The following ALK variants were observed in gnomAD, a reference collection of about 807,000 sequenced individuals.
The protein encoded by ALK is ALK receptor tyrosine kinase.
ALK carries 74 observed loss-of-function variants against 163.1 expected under a neutral mutation model. That is an observed-to-expected ratio of 0.45 (90% CI 0.38 to 0.55). The LOEUF is 0.55. Among genes scored for constraint, ALK ranks in the 20% least tolerant of loss-of-function variants. ALK has a pLI of 0.00. For synonymous variants in ALK, 960 were observed against 843.2 expected (o/e 1.14, Z -2.40); for missense variants, 2,063 against 2,105.3 (o/e 0.98, Z 0.39).
rs1664045661 is a variant in ALK at position 29,227,631 on chromosome 2, C to T, written c.2857G>A (p.Glu953Lys). 1 of 1,614,108 alleles carries T rather than the reference C, an allele frequency of 6.2e-7. No individual in the cohort carries two copies. Among genetic ancestry groups the T allele is most frequent in the Non-Finnish European group, 8.5e-7 (1 of 1,180,032 alleles). Residue 953 changes from glutamate to lysine, a missense_variant, in exon 17 of 29, where the codon GAA (glutamate) becomes AAA (lysine). Glu to Lys is a moderately conservative substitution (Grantham distance 56, BLOSUM62 1). Coordinates refer to ENST00000389048, the MANE Select transcript of ALK (RefSeq NM_004304.5). This position sits in a 1 kb window ranked among gnomAD's most constrained non-coding sequence, Gnocchi z 4.4. ...ASNNDPEMDG[E>K]DGVSFISPLG... ...GGACTGATGAAGGAAACCCCATCTTCCCCATCCATTTCGGGGTCATTGTTT... is the reference window on the plus strand; with the variant it reads ...GGACTGATGAAGGAAACCCCATCTTTCCCATCCATTTCGGGGTCATTGTTT...
Position 29,273,177 on chromosome 2 carries a change from C to T in ALK, c.2041+1922G>A, listed in dbSNP as rs554142598. On this transcript the variant is annotated intron_variant, in intron 11 of 28. Transcript: ENST00000389048. The stretch of plus-strand genomic sequence containing the variant: ...CCACTCTCCTCCCATGGCCCAGAAG[C>T]TCCAGAATGGCAAGAATTGGCTCAG... Among the ~76,000 whole-genome samples, 95 of 152,386 alleles carry T rather than the reference C, an allele frequency of 6.2e-4. 1 individual carries two copies. The highest frequency in any genetic ancestry group is 2.1e-3 in the African/African-American group (86 of 41,602).
intron 1 of ALK, among the ~76,000 whole-genome samples, chr2:29,748,016 G>A (rs754810172): frequency 6.6e-6 from 1 of 152,188 alleles, no homozygotes; most frequent in Non-Finnish European, 1.5e-5. Context: ...TCTGAGCTAG[G>A]TATCATCTAA....
intron 1 of ALK, among the ~76,000 whole-genome samples, chr2:29,733,252 A>C (rs2148319062): frequency 6.6e-6 from 1 of 152,364 alleles, no homozygotes; most frequent in South Asian, 2.1e-4. Context: ...ATCACCCAGA[A>C]GAATGAAATG....
In ALK at chr2:29,670,809, A is replaced by G. The variant is rs182798588; in HGVS notation, c.952+24041T>C. Among the ~76,000 whole-genome samples, 684 of 152,124 alleles carry G rather than the reference A, an allele frequency of 4.5e-3. 9 individuals carry two copies. Among genetic ancestry groups the G allele is most frequent in the African/African-American group, 0.015 (623 of 41,508 alleles). On this transcript the variant is annotated intron_variant, in intron 3 of 28. Transcript: ENST00000389048. ...GAGTCTCTAATGAGTTCTTCACTTC[A>G]GCAAATGTATTTCTCAGTTCTAAGG...
At chr2:29,509,832 A>T (rs560704686) in intron 4 of ALK, among the ~76,000 whole-genome samples, 68 of 152,338 alleles carry the variant, frequency 4.5e-4, no homozygotes, top group African/African-American at 1.5e-3. Context: ...AGAAGCATTT[A>T]AAAAGAGAAA....
chr2:29,500,311 A>T lies in ALK; in HGVS notation c.1154+31604T>A, dbSNP rs56036173. Among the ~76,000 whole-genome samples the T allele has an allele frequency of 5.7e-3, 871 of 152,168 alleles. 9 individuals carry two copies. Among genetic ancestry groups the T allele is most frequent in the Non-Finnish European group, 6.4e-3 (435 of 68,004 alleles). On this transcript the variant is annotated intron_variant, in intron 4 of 28. Transcript: ENST00000389048. ...GAGTTATCACAAAGTTTGGTTGTTT[A>T]AAAGTGTGTGGCACGTCCCTGCTAC...
chr2:29,886,368 AAAGTC>A (rs1666984990), intron 1 of ALK, among the ~76,000 whole-genome samples: 1 of 152,222 alleles, frequency 6.6e-6, no homozygotes. Flanking sequence ...GGGTTGTTGA[AAAGTC>A]AAGTGTACAT....
chr2:29,240,808 A>C (rs1310546515), intron 12 of ALK, among the ~76,000 whole-genome samples: 1 of 152,204 alleles, frequency 6.6e-6, no homozygotes, highest in African/African-American at 2.4e-5. Flanking sequence ...ATGTGTCCCC[A>C]GGGACCAGCT....
intron 4 of ALK, among the ~76,000 whole-genome samples, chr2:29,415,696 T>C (rs1669858587): frequency 6.6e-6 from 1 of 152,202 alleles, no homozygotes; most frequent in African/African-American, 2.4e-5. Context: ...TGAGGGTGTT[T>C]CATAAGAGAT....
At chr2:29,900,895 T>C (rs1025947947) in intron 1 of ALK, among the ~76,000 whole-genome samples, 10 of 150,970 alleles carry the variant, frequency 6.6e-5, no homozygotes, top group African/African-American at 2.0e-4. Flanking sequence ...AGACGAGGAG[T>C]AGATAGATAT....
intron 1 of ALK, among the ~76,000 whole-genome samples, chr2:29,729,847 G>A (rs1009145471): frequency 1.3e-5 from 2 of 152,192 alleles, no homozygotes; most frequent in Non-Finnish European, 2.9e-5. Context: ...ATCTAAAGGA[G>A]AAAATAAATA....
chr2:29,557,309 C>G (rs538807227), intron 3 of ALK, among the ~76,000 whole-genome samples: 2 of 152,284 alleles, frequency 1.3e-5, no homozygotes, highest in African/African-American at 2.4e-5. Context: ...ATTGAAAGTG[C>G]TTGATTCTCA....
At chr2:29,329,059 G>T (rs1359967251) in intron 5 of ALK, among the ~76,000 whole-genome samples, 1 of 152,152 alleles carries the variant, frequency 6.6e-6, no homozygotes, top group African/African-American at 2.4e-5. Context: ...GCTGTATGAG[G>T]CTGACCATGT....
At chr2:29,604,170 T>G (rs1406419350) in intron 3 of ALK, among the ~76,000 whole-genome samples, 1 of 151,742 alleles carries the variant, frequency 6.6e-6, no homozygotes, top group Non-Finnish European at 1.5e-5. Flanking sequence ...GAAGTTTTTT[T>G]TTTTTTTTTT....
chr2:29,310,708 C>T (rs993462734), intron 8 of ALK, among the ~76,000 whole-genome samples: 1 of 152,188 alleles, frequency 6.6e-6, no homozygotes, highest in Non-Finnish European at 1.5e-5. Context: ...AACTGTGGAC[C>T]CTCAGTGTCC....
intron 3 of ALK, among the ~76,000 whole-genome samples, chr2:29,616,666 C>G (rs986461830): frequency 6.6e-6 from 1 of 152,114 alleles, no homozygotes; most frequent in Non-Finnish European, 1.5e-5. Flanking sequence ...ACAGTAGGAG[C>G]CATCAGGCAA....
intron 1 of ALK, among the ~76,000 whole-genome samples, chr2:29,777,798 C>CT (rs1553360566): frequency 2.0e-5 from 3 of 152,188 alleles, no homozygotes; most frequent in Non-Finnish European, 4.4e-5. Context: ...TCAGGCCACA[C>CT]TTTAAGTAAG....
chr2:29,243,169 A>G (rs1388690387), intron 12 of ALK, among the ~76,000 whole-genome samples: 2 of 152,196 alleles, frequency 1.3e-5, no homozygotes, highest in African/African-American at 2.4e-5. Flanking sequence ...ACTCAGGGCC[A>G]GGAGTAGGTT....
rs60429543 is a variant in ALK at position 29,571,602 on chromosome 2, C to CTTTTTTTTTTTTTTTTTTT, written c.953-39505_953-39487dup. Among the ~76,000 whole-genome samples the CTTTTTTTTTTTTTTTTTTT allele has an allele frequency of 1.9e-4, 13 of 68,528 alleles. 1 individual carries two copies. The highest frequency in any genetic ancestry group is 4.1e-4 in the South Asian group (1 of 2,436). 45.0% of individuals were successfully genotyped at this position (68,528 alleles called of 152,430 possible). A position where few individuals can be genotyped will look rare whatever the true frequency, so the allele number is the denominator to read the frequency against. On this transcript the variant is annotated intron_variant, in intron 3 of 28. Transcript: ENST00000389048. ...TAAATTACCTAGTCTTGGCTCATAT[C>CTTTTTTTTTTTTTTTTTTT]TTTTTTTTTTTTTTTTTTTTTTTTT...
Sources: gnomAD v4.1 joint callset for allele counts (sites outside exome capture counted in the v4.1 genomes callset) on GRCh38, gnomAD v4.1.1 for gene constraint, Gnocchi (gnomAD v3.1) non-coding constraint, MANE v1.5 for transcripts, NCBI Gene and HGNC (gene_info 2026-07-23, HGNC 2026-07-21) for gene names.